Variants in HCN1 observed in about 807,000 individuals in gnomAD.
The protein encoded by HCN1 is potassium/sodium hyperpolarization-activated cyclic nucleotide-gated channel 1.
A neutral mutation model predicts 78.9 loss-of-function variants in HCN1; 13 were observed. The observed-to-expected ratio is 0.16, with a 90% CI of 0.11 to 0.26. The LOEUF (loss-of-function observed/expected upper bound fraction) is 0.26, where lower values mean the gene tolerates loss of function less well. HCN1 is among the 10% of genes least tolerant of loss of function. The pLI, the probability that HCN1 is intolerant of heterozygous loss-of-function variation, is 1.00. For synonymous variants in HCN1, 552 were observed against 455.5 expected (o/e 1.21, Z -2.70); for missense variants, 810 against 1,154.3 (o/e 0.70, Z 4.32).
At chr5:45,522,725 C>A (rs941823486) in intron 2 of HCN1, among the ~76,000 whole-genome samples, 10 of 151,644 alleles carry the variant, frequency 6.6e-5, no homozygotes, top group African/African-American at 2.4e-4. Flanking sequence ...CAACATAGAC[C>A]AGGGGCTGGT....
rs1185145643 is a variant in HCN1 at position 45,492,393 on chromosome 5, ATATAT to A, written c.850-30391_850-30387del. 6.1e-3 allele frequency among the ~76,000 whole-genome samples: 16 copies of A among 2,630 alleles called. 1 individual carries two copies. Among genetic ancestry groups the A allele is most frequent in the African/African-American group, 0.011 (16 of 1,484 alleles). The allele number at this position is 2,630 out of a possible 152,430, so 1.7% of individuals were successfully genotyped here. On this transcript the variant is annotated intron_variant, in intron 2 of 7. Transcript: ENST00000303230. ...GAGGATCTTAGACTTCTTTAAATGA[ATATAT>A]ATATATATATATATATATATATATA... is the stretch of plus-strand genomic sequence containing the variant.
intron 3 of HCN1, among the ~76,000 whole-genome samples, chr5:45,456,488 T>C (rs1302273317): frequency 1.3e-5 from 2 of 152,016 alleles, no homozygotes; most frequent in Non-Finnish European, 2.9e-5. Context: ...CAAAATTAAA[T>C]AATGCACAGA....
chr5:45,323,477 G>C (rs1265297777), intron 5 of HCN1, among the ~76,000 whole-genome samples: 1 of 151,828 alleles, frequency 6.6e-6, no homozygotes, highest in Non-Finnish European at 1.5e-5. Flanking sequence ...TAAAATGGTA[G>C]AATGCCTTTC....
At chr5:45,388,111 A>G (rs1375743843) in intron 4 of HCN1, among the ~76,000 whole-genome samples, 1 of 152,092 alleles carries the variant, frequency 6.6e-6, no homozygotes, top group Non-Finnish European at 1.5e-5. Context: ...CCTTACAGCT[A>G]CTATTGTTTT....
chr5:45,530,509 T>G (rs1464554564), intron 2 of HCN1, among the ~76,000 whole-genome samples: 1 of 151,566 alleles, frequency 6.6e-6, no homozygotes, highest in African/African-American at 2.4e-5. Context: ...TAGTAAGGAC[T>G]ATACATTAGG....
At chr5:45,589,684 G>A (rs1274980191) in intron 2 of HCN1, among the ~76,000 whole-genome samples, 1 of 152,212 alleles carries the variant, frequency 6.6e-6, no homozygotes, top group Admixed American at 6.5e-5. Flanking sequence ...ATAATTCCAT[G>A]TGAATGGCAA....
chr5:45,286,979 G>A (rs992052901), intron 6 of HCN1, among the ~76,000 whole-genome samples: 1 of 151,930 alleles, frequency 6.6e-6, no homozygotes, highest in African/African-American at 2.4e-5. Flanking sequence ...CCATGGAGAA[G>A]TGTCTCCATG....
At chr5:45,407,670 C>T (rs562683228) in intron 3 of HCN1, among the ~76,000 whole-genome samples, 2 of 152,046 alleles carry the variant, frequency 1.3e-5, no homozygotes, top group African/African-American at 4.8e-5. Context: ...CAGGCACCCA[C>T]CAGCATGCCT....
chr5:45,511,789 A>G (rs1380341576), intron 2 of HCN1, among the ~76,000 whole-genome samples: 1 of 152,034 alleles, frequency 6.6e-6, no homozygotes, highest in East Asian at 1.9e-4. Flanking sequence ...ACTAAGCAAT[A>G]TGAATAAAAG....
intron 2 of HCN1, among the ~76,000 whole-genome samples, chr5:45,567,489 G>T (rs1363992627): frequency 6.6e-6 from 1 of 151,276 alleles, no homozygotes; most frequent in Non-Finnish European, 1.5e-5. Context: ...TTGACATGCA[G>T]AACTAAATCT....
intron 2 of HCN1, among the ~76,000 whole-genome samples, chr5:45,599,407 C>G (rs1467475720): frequency 1.4e-5 from 2 of 143,198 alleles, no homozygotes; most frequent in African/African-American, 5.2e-5. Flanking sequence ...CAAGGCATGT[C>G]AGGGGGTGGG....
intron 1 of HCN1, among the ~76,000 whole-genome samples, chr5:45,668,640 T>C (rs1421786863): frequency 6.6e-6 from 1 of 151,964 alleles, no homozygotes; most frequent in Non-Finnish European, 1.5e-5. Context: ...ATGCATAAGA[T>C]TCCTATGTGA....
intron 6 of HCN1, among the ~76,000 whole-genome samples, chr5:45,293,033 C>T (rs896375906): frequency 6.6e-6 from 1 of 151,974 alleles, no homozygotes; most frequent in African/African-American, 2.4e-5. Context: ...TTACCTAACA[C>T]CAGCACAAAG....
intron 2 of HCN1, chr5:45,644,074 C>A (rs180812365): frequency 1.3e-5 from 2 of 152,166 alleles, no homozygotes; most frequent in East Asian, 1.9e-4. Flanking sequence ...ATCCTGTGAA[C>A]CAAAATGTCA....
At chr5:45,544,275 C>T (rs1201366007) in intron 2 of HCN1, among the ~76,000 whole-genome samples, 1 of 151,914 alleles carries the variant, frequency 6.6e-6, no homozygotes, top group Non-Finnish European at 1.5e-5. Flanking sequence ...TTTTCATTAT[C>T]CTTAAGAAAT....
intron 3 of HCN1, among the ~76,000 whole-genome samples, chr5:45,411,105 T>G (rs1366044494): frequency 6.6e-6 from 1 of 152,054 alleles, no homozygotes; most frequent in African/African-American, 2.4e-5. Flanking sequence ...CTCTGATAAA[T>G]AAATTCTCCA....
chr5:45,306,872 A>G (rs1296889995), intron 5 of HCN1, among the ~76,000 whole-genome samples: 2 of 152,078 alleles, frequency 1.3e-5, no homozygotes, highest in African/African-American at 4.8e-5. Flanking sequence ...AGGAAGGCAA[A>G]CACATGGTCC....
intron 2 of HCN1, among the ~76,000 whole-genome samples, chr5:45,499,061 T>TG (rs1196368128): frequency 1.3e-5 from 2 of 152,106 alleles, no homozygotes; most frequent in Admixed American, 6.5e-5. Context: ...CCCCCAGAGG[T>TG]GGAGCCTACA....
At chr5:45,651,484 C>A (rs1291933942) in intron 1 of HCN1, among the ~76,000 whole-genome samples, 1 of 151,852 alleles carries the variant, frequency 6.6e-6, no homozygotes, top group Non-Finnish European at 1.5e-5. Context: ...ACTTATCAAC[C>A]TGCATAAATA....
Sources: gnomAD v4.1 joint callset for allele counts (sites outside exome capture counted in the v4.1 genomes callset) on GRCh38, gnomAD v4.1.1 for gene constraint, MANE v1.5 for transcripts, NCBI Gene and HGNC (gene_info 2026-07-23, HGNC 2026-07-21) for gene names.